Variants in PRIM2 observed in about 807,000 individuals in gnomAD.
The protein encoded by PRIM2 is DNA primase large subunit.
Under a neutral mutation model 67.3 loss-of-function variants are expected in PRIM2, and 39 were observed. The observed-to-expected ratio is 0.58, with a 90% CI of 0.45 to 0.76. PRIM2 has a LOEUF of 0.76. PRIM2 is among the 30% of genes least tolerant of loss of function. The probability of loss-of-function intolerance (pLI) is 0.00; values close to 1 mark genes in which losing one functional copy is unlikely to be tolerated. For synonymous variants in PRIM2, 143 were observed against 198.7 expected (o/e 0.72, Z 2.36); for missense variants, 398 against 598.7 (o/e 0.66, Z 3.50).
chr6:57,534,699 C>G (rs1774964470), intron 9 of PRIM2, among the ~76,000 whole-genome samples: 1 of 152,154 alleles, frequency 6.6e-6, no homozygotes, highest in South Asian at 2.1e-4. Flanking sequence ...CATGTTGTGG[C>G]CTCTGAAGCC....
At chr6:57,447,140 G>A (rs2894859) in intron 7 of PRIM2, among the ~76,000 whole-genome samples, 1 of 152,236 alleles carries the variant, frequency 6.6e-6, no homozygotes, top group Non-Finnish European at 1.5e-5. Context: ...ATGTATTAAA[G>A]TATGCGATAC....
intron 5 of PRIM2, among the ~76,000 whole-genome samples, chr6:57,377,151 G>A (rs1769795606): frequency 1.3e-5 from 2 of 151,634 alleles, no homozygotes; most frequent in Admixed American, 1.3e-4. Context: ...GCCTCCTGAA[G>A]TGCTGGGATT....
intron 12 of PRIM2, among the ~76,000 whole-genome samples, chr6:57,628,170 C>T (rs1303183050): frequency 6.6e-6 from 1 of 152,214 alleles, no homozygotes; most frequent in Non-Finnish European, 1.5e-5. Flanking sequence ...ACTCCATTTA[C>T]TTATCCCATT....
intron 7 of PRIM2, among the ~76,000 whole-genome samples, chr6:57,410,648 G>A (rs1411104066): frequency 5.9e-5 from 9 of 151,660 alleles, no homozygotes; most frequent in Non-Finnish European, 1.3e-4. Flanking sequence ...AGATTATTTG[G>A]TATATTCTAC....
chr6:57,455,927 T>C (rs1171375766), intron 7 of PRIM2, among the ~76,000 whole-genome samples: 1 of 152,212 alleles, frequency 6.6e-6, no homozygotes, highest in Non-Finnish European at 1.5e-5. Context: ...CTGGTACTGG[T>C]TGTTCCTTTC....
intron 7 of PRIM2, among the ~76,000 whole-genome samples, chr6:57,398,705 A>G (rs1477893667): frequency 6.6e-6 from 1 of 152,016 alleles, no homozygotes; most frequent in African/African-American, 2.4e-5. Flanking sequence ...ATCTTCGTTA[A>G]TTTTCTGCCT....
intron 9 of PRIM2, among the ~76,000 whole-genome samples, chr6:57,534,639 G>T (rs1774963286): frequency 6.6e-6 from 1 of 152,090 alleles, no homozygotes; most frequent in South Asian, 2.1e-4. Flanking sequence ...CAGTCTTCTG[G>T]TCAGAACCCT....
chr6:57,454,422 T>G (rs1325943380), intron 7 of PRIM2, among the ~76,000 whole-genome samples: 30 of 151,838 alleles, frequency 2.0e-4, no homozygotes, highest in African/African-American at 7.0e-4. Context: ...GGTCCTGGAC[T>G]TTTTTTTGCT....
chr6:57,308,425 G>T, the PRIM2 span, among the ~76,000 whole-genome samples: 5 of 152,140 alleles, frequency 3.3e-5, no homozygotes, highest in Non-Finnish European at 5.9e-5. Flanking sequence ...GCCTGGCCCA[G>T]TTTATCCATT....
intron 5 of PRIM2, among the ~76,000 whole-genome samples, chr6:57,369,042 A>G (rs1426071431): frequency 3.9e-5 from 6 of 152,144 alleles, no homozygotes; most frequent in African/African-American, 1.4e-4. Flanking sequence ...CGTCACTTCC[A>G]CTCACATTTC....
intron 13 of PRIM2, among the ~76,000 whole-genome samples, chr6:57,640,448 T>A (rs1401322968): frequency 6.6e-6 from 1 of 152,130 alleles, no homozygotes; most frequent in East Asian, 1.9e-4. Context: ...AGTCAAATTG[T>A]CTCTGTTTGC....
At chr6:57,476,082 G>A (rs1305125570) in intron 7 of PRIM2, among the ~76,000 whole-genome samples, 2 of 151,948 alleles carry the variant, frequency 1.3e-5, no homozygotes, top group African/African-American at 4.8e-5. Flanking sequence ...GTCGCTTTGG[G>A]TGTCCTAGAT....
chr6:57,393,710 C>T (rs1217263854), intron 7 of PRIM2, among the ~76,000 whole-genome samples: 5 of 151,888 alleles, frequency 3.3e-5, no homozygotes, highest in Middle Eastern at 3.4e-3. Flanking sequence ...ATTTGCTTTT[C>T]GGTTCTTGGT....
At chr6:57,342,332 A>T (rs1467991887) in intron 5 of PRIM2, among the ~76,000 whole-genome samples, 1 of 152,226 alleles carries the variant, frequency 6.6e-6, no homozygotes. Context: ...ATTGCTGTCC[A>T]TGGTGACTAT....
chr6:57,574,010 G>A (rs1775915349), intron 10 of PRIM2, among the ~76,000 whole-genome samples: 1 of 151,608 alleles, frequency 6.6e-6, no homozygotes, highest in Admixed American at 6.6e-5. Flanking sequence ...CTGAAGGCAG[G>A]GAACCTAAGG....
intron 7 of PRIM2, among the ~76,000 whole-genome samples, chr6:57,489,294 C>T (rs1234314654): frequency 1.6e-4 from 21 of 128,982 alleles, no homozygotes; most frequent in African/African-American, 5.1e-4. Flanking sequence ...CAGTGGCTTA[C>T]GCCTGTAATC....
rs1285858852 is a variant in PRIM2, at chr6:57,642,108, A to G, written c.1300-3820A>G. On this transcript the variant is annotated intron_variant, in intron 13 of 13. Coordinates refer to ENST00000615550, the MANE Select transcript of PRIM2 (RefSeq NM_000947.5). ...GACATGGATGAAGCTGGAAACCATC[A>G]TTCTCAGCAAACTAACACAAGAACA... is the stretch of plus-strand genomic sequence containing the variant. Among the ~76,000 whole-genome samples the G allele has an allele frequency of 4.8e-3, 730 of 152,312 alleles. 2 individuals carry two copies. The highest frequency in any genetic ancestry group is 8.1e-3 in the Non-Finnish European group (551 of 68,036).
chr6:57,472,781 C>A (rs1773370191), intron 7 of PRIM2, among the ~76,000 whole-genome samples: 2 of 152,116 alleles, frequency 1.3e-5, no homozygotes, highest in African/African-American at 4.8e-5. Flanking sequence ...TAAAAAGGGA[C>A]AGCTGAAGAA....
At chr6:57,563,293 A>G (rs1272120568) in intron 10 of PRIM2, among the ~76,000 whole-genome samples, 3 of 141,040 alleles carry the variant, frequency 2.1e-5, no homozygotes, top group Non-Finnish European at 4.7e-5. Context: ...ACTGAACATA[A>G]TCTTTTTAAT....
Sources: allele counts gnomAD v4.1 joint callset (sites outside exome capture counted in the v4.1 genomes callset), GRCh38; gene constraint gnomAD v4.1.1; transcripts MANE v1.5; gene names NCBI Gene and HGNC (gene_info 2026-07-23, HGNC 2026-07-21).